Variants in C8A observed in about 807,000 individuals in gnomAD.
The protein encoded by C8A is complement component C8 alpha chain.
Under a neutral mutation model 65.3 loss-of-function variants are expected in C8A, and 67 were observed. The ratio of observed to expected loss-of-function variants is 1.03; its 90% confidence interval spans 0.84 to 1.26. The LOEUF is 1.26. Ranked by LOEUF, C8A falls within the 50% of genes most tolerant of loss-of-function variation. The pLI, the probability that C8A is intolerant of heterozygous loss-of-function variation, is 0.00. For synonymous variants in C8A, 290 were observed against 259.4 expected, an observed-to-expected ratio of 1.12 and a Z score of -1.13; for missense variants, 781 against 723.9, an observed-to-expected ratio of 1.08 and a Z score of -0.90.
chr1:56,912,324 A>G, intron 9 of C8A, 79 bp from the exon 10 acceptor site: 1 of 1,363,488 alleles, frequency 7.3e-7, no homozygotes, highest in Non-Finnish European at 1.0e-6. Flanking sequence ...GCCTTCCAGA[A>G]GCTTGGTGGC....
chr1:56,856,384 G>C (rs1359540201), intron 1 of C8A, among the ~76,000 whole-genome samples: 1 of 152,098 alleles, frequency 6.6e-6, no homozygotes, highest in Non-Finnish European at 1.5e-5. Context: ...ATCAATACCT[G>C]TTACCTATTA....
At position 56,881,402 on chromosome 1, in the gene C8A, C is replaced by A. The variant is rs762286348; in HGVS notation, c.465-43C>A. The A allele has an allele frequency of 2.5e-6, 4 of 1,599,114 alleles. No homozygotes were observed. In the East Asian group the frequency reaches 8.9e-5, roughly 36 times the overall value. On this transcript the variant is annotated intron_variant, in intron 4 of 10. Coordinates refer to ENST00000361249, the MANE Select transcript of C8A (RefSeq NM_000562.3). ...TCATCCCATCACCCAGGTATAAAACCCAGCATCCACTAGCTATTTAGAAGC... is the reference window on the plus strand; with the variant it reads ...TCATCCCATCACCCAGGTATAAAACACAGCATCCACTAGCTATTTAGAAGC...
Position 56,917,752 on chromosome 1 carries a change from A to G in C8A, c.*36A>G, listed in dbSNP as rs758345946. 1 of 1,612,422 alleles carries G rather than the reference A, an allele frequency of 6.2e-7. No individual in the cohort carries two copies. ...ACACAGGCTGGACCAGATGCTGTGG[A>G]TGTCGACCCCTGCACTGACTATTGG... On this transcript the variant is annotated 3_prime_UTR_variant, in exon 11 of 11. Coordinates refer to ENST00000361249, the MANE Select transcript of C8A (RefSeq NM_000562.3).
chr1:56,904,488 G>T (rs1482308445), intron 7 of C8A, among the ~76,000 whole-genome samples: 1 of 152,136 alleles, frequency 6.6e-6, no homozygotes, highest in African/African-American at 2.4e-5. Context: ...CCCAATATGC[G>T]ATATGCTGGG....
intron 4 of C8A, among the ~76,000 whole-genome samples, chr1:56,879,958 T>C (rs903794104): frequency 6.6e-6 from 1 of 152,130 alleles, no homozygotes; most frequent in African/African-American, 2.4e-5. Context: ...ATGCTACAGG[T>C]AGTCACTGCA....
chr1:56,909,407 T>C (rs1644490100), intron 9 of C8A, among the ~76,000 whole-genome samples: 1 of 152,230 alleles, frequency 6.6e-6, no homozygotes, highest in Non-Finnish European at 1.5e-5. Context: ...GTCAGATGGA[T>C]CAACCTTGAT....
rs114651450 is a variant in C8A at position 56,898,255 on chromosome 1, G to T, written c.1097-8412G>T. ...GCCAGGAATAGTGATGATAACAGTGGCTAGAGTCAGTGTTGACCTCTCAGA... is the reference window on the plus strand; with the variant it reads ...GCCAGGAATAGTGATGATAACAGTGTCTAGAGTCAGTGTTGACCTCTCAGA... On this transcript the variant is annotated intron_variant, in intron 7 of 10. Coordinates refer to ENST00000361249, the MANE Select transcript of C8A (RefSeq NM_000562.3). Among the ~76,000 whole-genome samples the T allele has an allele frequency of 8.9e-3, 1,355 of 152,232 alleles. 53 individuals are homozygous for T. In the South Asian group the frequency reaches 0.12, roughly 13 times the overall value.
At chr1:56,900,109 C>T (rs758329165) in intron 7 of C8A, among the ~76,000 whole-genome samples, 63 of 152,170 alleles carry the variant, frequency 4.1e-4, no homozygotes, top group Non-Finnish European at 7.8e-4. Flanking sequence ...GCCTAGCTTC[C>T]TTTCTCTAAG....
chr1:56,870,306 A>G (rs773002804), intron 2 of C8A, among the ~76,000 whole-genome samples: 14 of 152,048 alleles, frequency 9.2e-5, no homozygotes, highest in Admixed American at 2.0e-4. Flanking sequence ...TGGCATATCA[A>G]GTAACAGCAA....
At chr1:56,880,077 G>C (rs962642346) in intron 4 of C8A, among the ~76,000 whole-genome samples, 15 of 152,236 alleles carry the variant, frequency 9.9e-5, no homozygotes, top group Middle Eastern at 3.4e-3. Flanking sequence ...ATAGGAGTTT[G>C]AGAGACAAAA....
chr1:56,862,131 G>T (rs1557695940), intron 1 of C8A, among the ~76,000 whole-genome samples: 2 of 152,148 alleles, frequency 1.3e-5, no homozygotes. Flanking sequence ...ACGTTGACAA[G>T]GTTAGAGTGA....
chr1:56,897,301 C>A (rs1242978684), intron 7 of C8A, among the ~76,000 whole-genome samples: 2 of 152,144 alleles, frequency 1.3e-5, no homozygotes, highest in Admixed American at 1.3e-4. Context: ...AACTTAAGTA[C>A]AGGCACAGAG....
intron 2 of C8A, among the ~76,000 whole-genome samples, chr1:56,874,305 A>T (rs1644176374): frequency 6.6e-6 from 1 of 152,190 alleles, no homozygotes; most frequent in Admixed American, 6.5e-5. Context: ...ATACCCACAC[A>T]TCCCTGTGAC....
At chr1:56,885,396 ATAAATATATATTTATT>A (rs1477117283) in intron 6 of C8A, among the ~76,000 whole-genome samples, 4 of 99,602 alleles carry the variant, frequency 4.0e-5, no homozygotes, top group Non-Finnish European at 7.9e-5. Flanking sequence ...ATATATTTAA[ATAAATATATATTTATT>A]TAAATATATA....
chr1:56,877,981 C>G (rs781089230), intron 4 of C8A, among the ~76,000 whole-genome samples: 24 of 152,142 alleles, frequency 1.6e-4, no homozygotes, highest in Non-Finnish European at 1.8e-4. Context: ...AACAAAACAC[C>G]ACATCCTGAG....
chr1:56,868,264 G>A (rs1389721038), intron 2 of C8A, among the ~76,000 whole-genome samples: 2 of 151,516 alleles, frequency 1.3e-5, no homozygotes, highest in East Asian at 3.9e-4. Context: ...TCAGGCAGAG[G>A]CGAGTATTAA....
intron 1 of C8A, among the ~76,000 whole-genome samples, chr1:56,860,976 T>C (rs1187805668): frequency 6.6e-6 from 1 of 152,122 alleles, no homozygotes; most frequent in Non-Finnish European, 1.5e-5. Flanking sequence ...TCTTAGTCAG[T>C]TTTGTGTTGT....
chr1:56,883,841 C>T (rs564378047), intron 6 of C8A, among the ~76,000 whole-genome samples, 160 bp downstream of exon 6: 18 of 152,090 alleles, frequency 1.2e-4, no homozygotes, highest in African/African-American at 3.4e-4. Context: ...TTTCTTATTA[C>T]GCTTTTGCAC....
At chr1:56,890,081 A>G (rs1055420611) in intron 7 of C8A, among the ~76,000 whole-genome samples, 2 of 152,070 alleles carry the variant, frequency 1.3e-5, no homozygotes, top group African/African-American at 4.8e-5. Context: ...TGTATTTCGC[A>G]TTCTGACTTC....
Sources: allele counts gnomAD v4.1 joint callset (sites outside exome capture counted in the v4.1 genomes callset), GRCh38; gene constraint gnomAD v4.1.1; transcripts MANE v1.5; gene names NCBI Gene and HGNC (gene_info 2026-07-23, HGNC 2026-07-21).